Variants in IL34 observed in about 807,000 individuals in gnomAD.
IL34 encodes interleukin 34.
In IL34, 17 loss-of-function variants were observed where a neutral mutation model predicts 25.3. The ratio of observed to expected loss-of-function variants is 0.67; its 90% confidence interval spans 0.46 to 1.01. The LOEUF (loss-of-function observed/expected upper bound fraction) is 1.01, where lower values mean the gene tolerates loss of function less well. Among genes scored for constraint, IL34 ranks in the 50% least tolerant of loss-of-function variants. The probability of loss-of-function intolerance (pLI) is 0.00; values close to 1 mark genes in which losing one functional copy is unlikely to be tolerated. For synonymous variants in IL34, 174 were observed against 140.9 expected (o/e 1.23, Z -1.66); for missense variants, 368 against 312.9 (o/e 1.18, Z -1.33).
intron 1 of IL34, among the ~76,000 whole-genome samples, chr16:70,635,170 T>A (rs1445467584): frequency 2.0e-5 from 3 of 152,164 alleles, no homozygotes; most frequent in African/African-American, 4.8e-5. Flanking sequence ...GAATCGCCAG[T>A]CTTCCAAAAT....
Position 70,656,950 on chromosome 16 carries a change from G to A in IL34, c.241-10G>A. On this transcript the variant is annotated splice_polypyrimidine_tract_variant and intron_variant, in intron 3 of 5. Coordinates refer to ENST00000288098, the MANE Select transcript of IL34 (RefSeq NM_001393494.1). Reference sequence around the variant, plus strand: ...TCTCCCGAGTTGCAGTGACTTCCCTGTTTCCGCAGCAGAGGGCCCAGGTGA... The same window carrying A: ...TCTCCCGAGTTGCAGTGACTTCCCTATTTCCGCAGCAGAGGGCCCAGGTGA... The A allele has an allele frequency of 1.2e-6, 2 of 1,600,468 alleles. No individual in the cohort carries two copies. Among genetic ancestry groups the A allele is most frequent in the Non-Finnish European group, 1.7e-6 (2 of 1,172,864 alleles).
chr16:70,595,261 T>G (rs2050805764), intron 1 of IL34, among the ~76,000 whole-genome samples: 1 of 151,872 alleles, frequency 6.6e-6, no homozygotes, highest in Non-Finnish European at 1.5e-5. Flanking sequence ...GTGCCTGGCC[T>G]GCATTTCAAT....
intron 4 of IL34, chr16:70,657,410 C>T (rs2052260065): frequency 8.4e-6 from 3 of 356,604 alleles, no homozygotes; most frequent in Non-Finnish European, 1.5e-5. Flanking sequence ...GTCATCGTAC[C>T]CTCTTTGTTT....
intron 1 of IL34, among the ~76,000 whole-genome samples, chr16:70,583,175 C>G (rs552724097): frequency 6.6e-6 from 1 of 151,748 alleles, no homozygotes; most frequent in East Asian, 1.9e-4. Context: ...TGCAGTGTCC[C>G]GATTTCAGCT....
chr16:70,657,024 C>G lies in IL34; in HGVS notation c.305C>G (p.Thr102Ser), dbSNP rs370436386. 1.2e-6 allele frequency: 2 copies of G among 1,612,460 alleles called. No individual in the cohort carries two copies. Among genetic ancestry groups the G allele is most frequent in the Non-Finnish European group, 1.7e-6 (2 of 1,179,990 alleles). ...TGGGTCTTGGTGAGCCTCAGTGCCA[C>G]TGAGTCGGTGCAGGACGTGCTGCTC... Reference protein sequence around the residue: ...YLWVLVSLSATESVQDVLLEG... With the variant: ...YLWVLVSLSASESVQDVLLEG... Residue 102 changes from threonine (T) to serine (S), a missense_variant, in exon 4 of 6, where the codon ACT becomes AGT. Thr to Ser is a moderately conservative substitution (Grantham distance 58). Coordinates refer to ENST00000288098, the MANE Select transcript of IL34 (RefSeq NM_001393494.1).
intron 1 of IL34, among the ~76,000 whole-genome samples, chr16:70,618,953 T>C (rs2051219112): frequency 6.6e-6 from 1 of 152,000 alleles, no homozygotes; most frequent in African/African-American, 2.4e-5. Context: ...GAAAGCATGT[T>C]TGAGATGTAG....
chr16:70,592,955 T>A (rs1446822392), intron 1 of IL34, among the ~76,000 whole-genome samples: 6 of 152,108 alleles, frequency 3.9e-5, no homozygotes, highest in Admixed American at 1.3e-4. Context: ...GCCGGCCCTA[T>A]TTTTTAAATT....
intron 1 of IL34, among the ~76,000 whole-genome samples, chr16:70,650,074 C>G (rs558869905): frequency 8.3e-4 from 126 of 152,306 alleles, no homozygotes; most frequent in African/African-American, 3.0e-3. Flanking sequence ...GCTGGGATTA[C>G]AGGTGTGAGC....
At chr16:70,606,700 A>G (rs2051010295) in intron 1 of IL34, among the ~76,000 whole-genome samples, 1 of 151,770 alleles carries the variant, frequency 6.6e-6, no homozygotes, top group African/African-American at 2.4e-5. Flanking sequence ...TGATCCTTCC[A>G]CTTCAGCCTC....
At chr16:70,624,648 C>T (rs567493798) in intron 1 of IL34, among the ~76,000 whole-genome samples, 7 of 152,110 alleles carry the variant, frequency 4.6e-5, no homozygotes, top group African/African-American at 7.2e-5. Flanking sequence ...AAGGAGCATT[C>T]ACCTTGACTA....
chr16:70,592,757 C>T (rs1043327592), intron 1 of IL34, among the ~76,000 whole-genome samples: 2 of 152,054 alleles, frequency 1.3e-5, no homozygotes, highest in East Asian at 1.9e-4. Context: ...TGGGTGCAAG[C>T]GATTCTCCTG....
intron 3 of IL34, 56 bp downstream of exon 3, chr16:70,656,735 C>A (rs1267408447): frequency 3.0e-6 from 3 of 1,003,214 alleles, no homozygotes; most frequent in Non-Finnish European, 4.8e-6. Flanking sequence ...TCCGGTGGGC[C>A]CCAGCCTCAG....
rs369683524 is a variant in IL34 at position 70,612,929 on chromosome 16, C to T, written c.-401+32880C>T. Among the ~76,000 whole-genome samples the T allele has an allele frequency of 1.4e-4, 21 of 152,244 alleles. 1 individual carries two copies. Among genetic ancestry groups the T allele is most frequent in the South Asian group, 1.2e-3 (6 of 4,822 alleles). On this transcript the variant is annotated intron_variant, in intron 1 of 6. Coordinates refer to the IL34 transcript ENST00000429149. Reference sequence around the variant, plus strand: ...GCCTCCCAAGTAGCTGGGATCACCACGCCCAGCTAATTTTTATATGTTTAG... The same window carrying T: ...GCCTCCCAAGTAGCTGGGATCACCATGCCCAGCTAATTTTTATATGTTTAG...
chr16:70,580,697 C>A (rs1007467251), intron 1 of IL34, among the ~76,000 whole-genome samples: 3 of 150,494 alleles, frequency 2.0e-5, no homozygotes, highest in African/African-American at 7.3e-5. Context: ...AGGAGACACA[C>A]TTGAAACCAG....
chr16:70,659,046 C>A (rs987138506), intron 4 of IL34, among the ~76,000 whole-genome samples: 1 of 152,170 alleles, frequency 6.6e-6, no homozygotes, highest in African/African-American at 2.4e-5. Context: ...GATCACCCCC[C>A]ACGTTTCCCA....
upstream of IL34, among the ~76,000 whole-genome samples, chr16:70,645,561 GCA>G (rs902071984): frequency 6.6e-5 from 10 of 152,164 alleles, no homozygotes; most frequent in African/African-American, 1.4e-4. Flanking sequence ...GGAGGACCAC[GCA>G]CACACGCTGA....
intron 1 of IL34, among the ~76,000 whole-genome samples, chr16:70,620,782 C>G (rs976517809): frequency 7.2e-5 from 11 of 152,040 alleles, no homozygotes; most frequent in Non-Finnish European, 1.5e-4. Flanking sequence ...GAACTACTGT[C>G]GAGTTTGTAT....
chr16:70,646,729 G>GC lies in IL34; in HGVS notation c.-213dup, dbSNP rs1295150068. On this transcript the variant is annotated 5_prime_UTR_variant, in exon 1 of 6. An upstream open reading frame in the 5' UTR loses its in-frame stop. Transcript: ENST00000288098. The stretch of plus-strand genomic sequence containing the variant: ...GGCTGCCATGGGACTTGCGGCCACC[G>GC]CCCCCCGGCTGTCCTCCACGCTGCC... The GC allele has an allele frequency of 1.2e-5, 6 of 484,874 alleles. No homozygotes were observed. The highest frequency in any genetic ancestry group is 4.1e-5 in the African/African-American group (2 of 49,076). 30.0% of individuals were successfully genotyped at this position (484,874 alleles called of 1,614,324 possible). A position where few individuals can be genotyped will look rare whatever the true frequency, so the allele number is the denominator to read the frequency against.
intron 1 of IL34, among the ~76,000 whole-genome samples, chr16:70,649,235 G>T (rs1431718888): frequency 6.6e-6 from 1 of 152,210 alleles, no homozygotes; most frequent in Admixed American, 6.5e-5. Flanking sequence ...GCAGAGCAGG[G>T]CTGTGCCAGA....
Sources: gnomAD v4.1 joint callset for allele counts (sites outside exome capture counted in the v4.1 genomes callset) on GRCh38, gnomAD v4.1.1 for gene constraint, MANE v1.5 for transcripts, NCBI Gene and HGNC (gene_info 2026-07-23, HGNC 2026-07-21) for gene names.